Variants in ADAMTSL3 observed in about 807,000 individuals in gnomAD.
ADAMTSL3 encodes the protein ADAMTS like 3.
In ADAMTSL3, 128 loss-of-function variants were observed where a neutral mutation model predicts 201.7. The ratio of observed to expected loss-of-function variants is 0.63; its 90% CI spans 0.55 to 0.73. ADAMTSL3 has a LOEUF of 0.73. Ranked by LOEUF, ADAMTSL3 falls within the 30% of genes least tolerant of loss-of-function variation. The pLI is 0.00. For synonymous variants in ADAMTSL3, 738 were observed against 748.4 expected, an observed-to-expected ratio of 0.99 and a Z score of 0.23; for missense variants, 1,990 against 2,119.6, an observed-to-expected ratio of 0.94 and a Z score of 1.20.
chr15:83,964,284 GT>G (rs1242210041), intron 19 of ADAMTSL3, among the ~76,000 whole-genome samples: 1 of 151,994 alleles, frequency 6.6e-6, no homozygotes, highest in Non-Finnish European at 1.5e-5. Flanking sequence ...TTGAAAAAGG[GT>G]TAGAGGAATT....
intron 6 of ADAMTSL3, among the ~76,000 whole-genome samples, chr15:83,835,673 T>C (rs1190747073): frequency 6.6e-6 from 1 of 152,202 alleles, no homozygotes; most frequent in African/African-American, 2.4e-5. Context: ...GTGGTATTAC[T>C]CCCCTTGGAG....
At chr15:83,721,176 G>A (rs1437731714) in intron 3 of ADAMTSL3, among the ~76,000 whole-genome samples, 2 of 152,060 alleles carry the variant, frequency 1.3e-5, no homozygotes, top group Non-Finnish European at 2.9e-5. Context: ...AGCAAAATTG[G>A]CCCTACCTGG....
At chr15:83,712,373 C>T (rs2061944892) in intron 3 of ADAMTSL3, among the ~76,000 whole-genome samples, 1 of 152,234 alleles carries the variant, frequency 6.6e-6, no homozygotes, top group Non-Finnish European at 1.5e-5. Flanking sequence ...GGCTCACTGC[C>T]TCTCTTGCAG....
intron 17 of ADAMTSL3, among the ~76,000 whole-genome samples, chr15:83,931,415 A>T (rs1226583677): frequency 1.3e-5 from 2 of 152,230 alleles, no homozygotes; most frequent in African/African-American, 4.8e-5. Context: ...TGCTCAAAAG[A>T]TGATCATCCT....
At chr15:83,807,493 G>T (rs1362572155) in intron 5 of ADAMTSL3, among the ~76,000 whole-genome samples, 1 of 151,966 alleles carries the variant, frequency 6.6e-6, no homozygotes, top group East Asian at 1.9e-4. Flanking sequence ...AATAAAGAGG[G>T]TGCAAAAAGA....
chr15:83,939,043 A>G (rs2066509139), intron 17 of ADAMTSL3, among the ~76,000 whole-genome samples: 2 of 152,326 alleles, frequency 1.3e-5, no homozygotes, highest in Non-Finnish European at 2.9e-5. Flanking sequence ...TGAAATGATC[A>G]TATGAATTTT....
At chr15:83,913,849 G>A (rs1259072148) in intron 16 of ADAMTSL3, among the ~76,000 whole-genome samples, 2 of 152,160 alleles carry the variant, frequency 1.3e-5, no homozygotes, top group African/African-American at 4.8e-5. Context: ...TGTGTACATA[G>A]AGGGTGACAT....
intron 7 of ADAMTSL3, among the ~76,000 whole-genome samples, chr15:83,841,820 A>G (rs1009659609): frequency 2.0e-5 from 3 of 151,912 alleles, no homozygotes; most frequent in Middle Eastern, 3.4e-3. Context: ...CATGCCCCCC[A>G]TTCTGTGTCT....
At position 84,035,114 on chromosome 15, in the gene ADAMTSL3, G is replaced by A. The variant is rs900001820; in HGVS notation, c.4755-1659G>A. Among the ~76,000 whole-genome samples the A allele has an allele frequency of 7.2e-5, 11 of 152,222 alleles. No individual in the cohort carries two copies. The South Asian group carries it at 2.1e-3, about 29-fold the overall frequency. ...AGCTTTCCTGGGCTTCAGCTTCTGT[G>A]TTGGTCCATAGCTCCCTGTGCCCCT... On this transcript the variant is annotated intron_variant, in intron 28 of 29. Transcript: ENST00000286744.
chr15:83,951,658 G>A (rs1272251559), intron 19 of ADAMTSL3, among the ~76,000 whole-genome samples: 7 of 152,066 alleles, frequency 4.6e-5, no homozygotes, highest in African/African-American at 1.4e-4. Flanking sequence ...TCTTTACTGG[G>A]AGACATTTTA....
At chr15:83,719,626 G>A (rs940883599) in intron 3 of ADAMTSL3, among the ~76,000 whole-genome samples, 11 of 152,202 alleles carry the variant, frequency 7.2e-5, no homozygotes, top group African/African-American at 2.7e-4. Flanking sequence ...GTGAGTAGTA[G>A]AATAAGCTTG....
chr15:83,876,586 A>G (rs1013165891), intron 9 of ADAMTSL3, among the ~76,000 whole-genome samples: 1 of 152,134 alleles, frequency 6.6e-6, no homozygotes, highest in East Asian at 1.9e-4. Flanking sequence ...ATCCAGAATC[A>G]TGAAGAAATT....
At chr15:83,711,010 A>T (rs1325222971) in intron 3 of ADAMTSL3, among the ~76,000 whole-genome samples, 1 of 152,212 alleles carries the variant, frequency 6.6e-6, no homozygotes, top group Non-Finnish European at 1.5e-5. Context: ...ATGAATTTTT[A>T]ATACTAATAA....
intron 26 of ADAMTSL3, among the ~76,000 whole-genome samples, chr15:84,024,864 A>G (rs2068273890): frequency 6.6e-6 from 1 of 152,214 alleles, no homozygotes; most frequent in African/African-American, 2.4e-5. Context: ...AGGGTAAACA[A>G]CACTTAGATG....
At chr15:83,907,115 AAG>A (rs34154270) in intron 15 of ADAMTSL3, among the ~76,000 whole-genome samples, 81,229 of 137,414 alleles carry the variant, frequency 0.59, 24,844 homozygotes, top group African/African-American at 0.75. Flanking sequence ...AAAAAAAAAA[AAG>A]AGAGAGTCTA....
At chr15:83,978,450 G>T (rs1187675191) in intron 20 of ADAMTSL3, among the ~76,000 whole-genome samples, 1 of 152,216 alleles carries the variant, frequency 6.6e-6, no homozygotes, top group Non-Finnish European at 1.5e-5. Flanking sequence ...GGAGGGTGCT[G>T]CAGTTGGTAC....
chr15:83,943,132 GTTTCAGCTTCTAAATA>G, intron 19 of ADAMTSL3, 50 bp downstream of exon 19: 1 of 1,539,000 alleles, frequency 6.5e-7, no homozygotes, highest in South Asian at 1.3e-5. Context: ...CCCCTCCTTT[GTTTCAGCTTCTAAATA>G]TTTCCACAAG....
intron 17 of ADAMTSL3, among the ~76,000 whole-genome samples, chr15:83,937,427 G>A (rs540256865): frequency 1.3e-5 from 2 of 150,804 alleles, no homozygotes; most frequent in South Asian, 2.1e-4. Flanking sequence ...CAAATACCAC[G>A]TGTCCTCATT....
chr15:83,770,407 C>CT (rs956148878), intron 3 of ADAMTSL3, among the ~76,000 whole-genome samples: 1 of 152,214 alleles, frequency 6.6e-6, no homozygotes, highest in Non-Finnish European at 1.5e-5. Context: ...TTACTCCATT[C>CT]TTAGAGCTAA....
Sources: allele counts gnomAD v4.1 joint callset (sites outside exome capture counted in the v4.1 genomes callset), GRCh38; gene constraint gnomAD v4.1.1; transcripts MANE v1.5; gene names NCBI Gene and HGNC (gene_info 2026-07-23, HGNC 2026-07-21).